Variants in STXBP5L observed in about 807,000 individuals in gnomAD.
STXBP5L encodes syntaxin binding protein 5L.
STXBP5L carries 65 observed loss-of-function variants against 144.5 expected under a neutral mutation model. The observed-to-expected ratio is 0.45, with a 90% CI of 0.37 to 0.55. The LOEUF (loss-of-function observed/expected upper bound fraction) is 0.55, where lower values mean the gene tolerates loss of function less well. STXBP5L is among the 20% of genes least tolerant of loss of function. The probability of loss-of-function intolerance (pLI) is 0.00; values close to 1 mark genes in which losing one functional copy is unlikely to be tolerated. For missense variants in STXBP5L, 1,298 were observed against 1,405.5 expected (o/e 0.92, Z 1.22); for synonymous variants, 505 against 469.6 (o/e 1.08, Z -0.97).
chr3:121,001,539 G>T (rs1429736042), intron 3 of STXBP5L, among the ~76,000 whole-genome samples: 1 of 152,184 alleles, frequency 6.6e-6, no homozygotes, highest in Non-Finnish European at 1.5e-5. Flanking sequence ...TCTGGGCTTT[G>T]CAGGATGGAG....
chr3:121,255,199 C>T, intron 16 of STXBP5L, 87 bp downstream of exon 16: 1 of 1,006,506 alleles, frequency 9.9e-7, no homozygotes, highest in Admixed American at 3.1e-5. Flanking sequence ...GGTATGGTTT[C>T]CATGAAGTGT....
chr3:120,974,106 G>A (rs1322318004), intron 3 of STXBP5L, among the ~76,000 whole-genome samples: 2 of 152,076 alleles, frequency 1.3e-5, no homozygotes, highest in South Asian at 2.1e-4. Context: ...AGATCCCTGA[G>A]GAATCACCAC....
At chr3:121,045,094 G>T (rs1947421375) in intron 4 of STXBP5L, among the ~76,000 whole-genome samples, 1 of 152,036 alleles carries the variant, frequency 6.6e-6, no homozygotes, top group South Asian at 2.1e-4. Context: ...TAGTATATGT[G>T]TAAACAGTAG....
rs950906459 is a variant in STXBP5L at position 121,372,976 on chromosome 3, C to A, written c.2177-5740C>A. ...AAATTGGAGGTAGAAACTACAATAC[C>A]CAGAGATCACTGCTAGAACATGACG... On this transcript the variant is annotated intron_variant, in intron 20 of 26. Coordinates refer to ENST00000471454, the MANE Select transcript of STXBP5L (RefSeq NM_001308330.2). 3.3e-5 allele frequency among the ~76,000 whole-genome samples: 5 copies of A among 151,804 alleles called. No individual in the cohort carries two copies. In the South Asian group the frequency reaches 1.0e-3, roughly 32 times the overall value.
At chr3:121,404,189 C>T (rs144793931) in intron 22 of STXBP5L, among the ~76,000 whole-genome samples, 6 of 152,206 alleles carry the variant, frequency 3.9e-5, no homozygotes, top group African/African-American at 1.4e-4. Context: ...ATGACAATTC[C>T]ATTCTTCCAG....
chr3:121,008,710 T>G (rs1474702193), intron 3 of STXBP5L, among the ~76,000 whole-genome samples: 1 of 152,052 alleles, frequency 6.6e-6, no homozygotes, highest in African/African-American at 2.4e-5. Context: ...TACTAGTATA[T>G]TCAATGGTAA....
At chr3:121,086,555 G>C (rs960947270) in intron 5 of STXBP5L, among the ~76,000 whole-genome samples, 1 of 152,064 alleles carries the variant, frequency 6.6e-6, no homozygotes, top group Non-Finnish European at 1.5e-5. Context: ...TGTAGCCTAG[G>C]AGCAATAGGC....
At chr3:121,173,671 A>G (rs145671334) in intron 9 of STXBP5L, among the ~76,000 whole-genome samples, 2 of 152,256 alleles carry the variant, frequency 1.3e-5, no homozygotes, top group East Asian at 3.9e-4. Context: ...AGAAAATGTT[A>G]TTAAGAAAAT....
intron 19 of STXBP5L, among the ~76,000 whole-genome samples, chr3:121,288,713 A>G (rs1382869069): frequency 1.3e-5 from 2 of 152,130 alleles, no homozygotes; most frequent in Admixed American, 6.5e-5. Context: ...AAATTTGTTT[A>G]CATTTCTTAC....
intron 7 of STXBP5L, among the ~76,000 whole-genome samples, chr3:121,129,556 G>A (rs1021849456): frequency 1.3e-5 from 2 of 151,968 alleles, no homozygotes; most frequent in Admixed American, 6.6e-5. Flanking sequence ...CTAAGATACA[G>A]TTACATATTT....
chr3:120,950,401 T>G (rs1341619902), intron 2 of STXBP5L, among the ~76,000 whole-genome samples: 1 of 152,082 alleles, frequency 6.6e-6, no homozygotes, highest in Non-Finnish European at 1.5e-5. Flanking sequence ...TGCCAATACC[T>G]TATTTTCTTG....
intron 7 of STXBP5L, among the ~76,000 whole-genome samples, chr3:121,125,263 G>A (rs926595981): frequency 2.0e-5 from 3 of 152,078 alleles, no homozygotes; most frequent in Non-Finnish European, 4.4e-5. Context: ...GAGGTCAGGA[G>A]TTCAAGACCA....
intron 2 of STXBP5L, chr3:120,924,871 T>G (rs958920732): frequency 2.0e-5 from 3 of 152,202 alleles, no homozygotes; most frequent in African/African-American, 7.2e-5. Flanking sequence ...TGACCACGCC[T>G]GGCTAATTTT....
At chr3:121,418,584 T>A in intron 26 of STXBP5L, 27 bp downstream of exon 26, 1 of 1,605,856 alleles carries the variant, frequency 6.2e-7, no homozygotes, top group Non-Finnish European at 8.5e-7. Flanking sequence ...AATACAGACA[T>A]CTTCATACAG....
chr3:120,947,555 G>A (rs940381266), intron 2 of STXBP5L, among the ~76,000 whole-genome samples: 1 of 151,698 alleles, frequency 6.6e-6, no homozygotes, highest in Non-Finnish European at 1.5e-5. Flanking sequence ...CAACCTCCAC[G>A]ATCAATTTTA....
chr3:121,418,318 CTATTGCATA>C lies in STXBP5L; in HGVS notation c.3227-14_3227-6del. ...ATTACTGACAAAATGTTTTAAATTG[CTATTGCATA>C]TATTCTCAGTTGGGGAAGCTTCGGC... On this transcript the variant is annotated splice_polypyrimidine_tract_variant and intron_variant, in intron 25 of 26. Transcript: ENST00000471454. 6.2e-7 allele frequency: 1 copy of C among 1,605,402 alleles called. No homozygotes were observed. Among genetic ancestry groups the C allele is most frequent in the Non-Finnish European group, 8.5e-7 (1 of 1,175,076 alleles).
rs149732058 is a variant in STXBP5L, at chr3:121,190,238, G to A, written c.878-15685G>A. ...AGTGTTTGTGTCCCTGGGAACTAGGGATTAGGGAGTGGTGATGACTCTTAG... is the reference window on the plus strand; with the variant it reads ...AGTGTTTGTGTCCCTGGGAACTAGGAATTAGGGAGTGGTGATGACTCTTAG... On this transcript the variant is annotated intron_variant, in intron 9 of 26. Transcript: ENST00000471454. Among the ~76,000 whole-genome samples, 207 of 152,258 alleles carry A rather than the reference G, an allele frequency of 1.4e-3. 1 individual carries two copies. Among genetic ancestry groups the A allele is most frequent in the African/African-American group, 4.6e-3 (193 of 41,560 alleles).
intron 25 of STXBP5L, among the ~76,000 whole-genome samples, chr3:121,417,672 C>T (rs2047270079): frequency 1.3e-5 from 2 of 152,152 alleles, no homozygotes; most frequent in Non-Finnish European, 1.5e-5. Flanking sequence ...ACCATGTTGG[C>T]CAGGCTGGTC....
chr3:121,367,595 GT>G (rs57288480), intron 20 of STXBP5L, among the ~76,000 whole-genome samples: 737 of 51,314 alleles, frequency 0.014, 6 homozygotes, highest in African/African-American at 0.05. Context: ...TTCGACTCTT[GT>G]TTTTTTTTTT....
Sources: gnomAD v4.1 joint callset for allele counts (sites outside exome capture counted in the v4.1 genomes callset) on GRCh38, gnomAD v4.1.1 for gene constraint, MANE v1.5 for transcripts, NCBI Gene and HGNC (gene_info 2026-07-23, HGNC 2026-07-21) for gene names.